MBD5: variants seen among roughly 807,000 people sequenced by gnomAD.
MBD5 encodes the protein methyl-CpG binding domain protein 5.
A neutral mutation model predicts 117.3 loss-of-function variants in MBD5; 13 were observed. That is an observed-to-expected ratio of 0.11 (90% CI 0.07 to 0.18). MBD5 has a LOEUF of 0.18. Among genes scored for constraint, MBD5 ranks in the 10% least tolerant of loss-of-function variants. The pLI is 1.00. For missense variants in MBD5, 1,879 were observed against 2,093.8 expected (o/e 0.90, Z 2.00); for synonymous variants, 727 against 766.4 (o/e 0.95, Z 0.85).
chr2:148,457,033 C>T (rs1177487393), intron 4 of MBD5, among the ~76,000 whole-genome samples: 1 of 152,090 alleles, frequency 6.6e-6, no homozygotes, highest in Non-Finnish European at 1.5e-5. Flanking sequence ...TAATTTGTTA[C>T]TTGATTAAGT....
intron 9 of MBD5, among the ~76,000 whole-genome samples, chr2:148,484,747 A>G (rs1681281186): frequency 6.6e-6 from 1 of 152,172 alleles, no homozygotes; most frequent in South Asian, 2.1e-4. Context: ...ACAGTTTTTC[A>G]TCTGTATTAT....
chr2:148,259,281 T>A (rs1700674959), intron 3 of MBD5, among the ~76,000 whole-genome samples: 1 of 151,988 alleles, frequency 6.6e-6, no homozygotes, highest in Admixed American at 6.6e-5. Context: ...GGAAGTGTAG[T>A]TCTTCTAGTG....
intron 2 of MBD5, among the ~76,000 whole-genome samples, chr2:148,229,285 C>T (rs923161097): frequency 6.6e-6 from 1 of 151,946 alleles, no homozygotes. Flanking sequence ...GACTTTGATG[C>T]ATTTTTCAAT....
At chr2:148,492,349 C>T (rs772360919) in intron 11 of MBD5, among the ~76,000 whole-genome samples, 1 of 151,906 alleles carries the variant, frequency 6.6e-6, no homozygotes, top group African/African-American at 2.4e-5. Context: ...TTCATATATT[C>T]CTCCTCTCAC....
At chr2:148,346,388 T>G (rs1703125109) in intron 4 of MBD5, 1 of 152,006 alleles carries the variant, frequency 6.6e-6, no homozygotes, top group Admixed American at 6.6e-5. Context: ...AAAAATGGAA[T>G]CGGTAGATCA....
chr2:148,432,910 T>C (rs1706033558), intron 4 of MBD5, among the ~76,000 whole-genome samples: 1 of 152,144 alleles, frequency 6.6e-6, no homozygotes, highest in African/African-American at 2.4e-5. Context: ...AAGAATGTCA[T>C]TGGTAGTTTC....
intron 1 of MBD5, among the ~76,000 whole-genome samples, chr2:148,107,090 T>G (rs1696390863): frequency 6.6e-6 from 1 of 152,012 alleles, no homozygotes; most frequent in Non-Finnish European, 1.5e-5. Flanking sequence ...TGTGAGGATA[T>G]TAGAGTAGTA....
chr2:148,050,207 C>CT (rs770254902), intron 1 of MBD5, among the ~76,000 whole-genome samples: 18 of 151,980 alleles, frequency 1.2e-4, no homozygotes, highest in Non-Finnish European at 2.5e-4. Context: ...CTTGTTGTGT[C>CT]TTTTTTGTTA....
intron 1 of MBD5, among the ~76,000 whole-genome samples, chr2:148,052,914 A>AT (rs1353949507): frequency 1.3e-5 from 2 of 151,016 alleles, no homozygotes; most frequent in Non-Finnish European, 2.9e-5. Context: ...ATGAGCCAAT[A>AT]TCACATTACT....
rs17749814 is a variant in MBD5, at chr2:148,023,387, C to G, written c.-925+1703C>G. On this transcript the variant is annotated intron_variant, in intron 1 of 13. Transcript: ENST00000642680. ...TGTTCTGTAAAATTTTAATTATCAA[C>G]TGTGTGCAAAAGTAGACATTTACAT... Among the ~76,000 whole-genome samples, 1,244 of 152,242 alleles carry G rather than the reference C, an allele frequency of 8.2e-3. 9 individuals carry two copies. Among genetic ancestry groups the G allele is most frequent in the Middle Eastern group, 0.027 (8 of 294 alleles).
At chr2:148,390,483 ATATATATGTG>A (rs1465300287) in intron 4 of MBD5, among the ~76,000 whole-genome samples, 1 of 148,576 alleles carries the variant, frequency 6.7e-6, no homozygotes, top group Non-Finnish European at 1.5e-5. Flanking sequence ...ATATATAAGT[ATATATATGTG>A]TATATATGTG....
intron 4 of MBD5, among the ~76,000 whole-genome samples, chr2:148,385,927 G>A (rs11899163): frequency 0.74 from 104,888 of 140,850 alleles, 39,658 homozygotes; most frequent in African/African-American, 0.9. Flanking sequence ...ACATGGACAC[G>A]GTAAGGGGAA....
At chr2:148,410,295 A>G (rs955590730) in intron 4 of MBD5, among the ~76,000 whole-genome samples, 1 of 152,186 alleles carries the variant, frequency 6.6e-6, no homozygotes, top group African/African-American at 2.4e-5. Context: ...TACTTCTAAG[A>G]TTAAGCATCA....
At chr2:148,032,098 T>G (rs961203518) in intron 1 of MBD5, among the ~76,000 whole-genome samples, 3 of 152,140 alleles carry the variant, frequency 2.0e-5, no homozygotes, top group African/African-American at 7.2e-5. Context: ...AGCTAAAATG[T>G]CATAGTGAAT....
At chr2:148,293,605 G>A (rs1701555372) in intron 3 of MBD5, among the ~76,000 whole-genome samples, 1 of 151,994 alleles carries the variant, frequency 6.6e-6, no homozygotes, top group Non-Finnish European at 1.5e-5. Context: ...CCCAATCTGT[G>A]TGCCTTTTAT....
chr2:148,426,238 A>G (rs1400613205), intron 4 of MBD5, among the ~76,000 whole-genome samples: 3 of 152,266 alleles, frequency 2.0e-5, no homozygotes, highest in Admixed American at 6.5e-5. Flanking sequence ...AAGGTAATTT[A>G]TAGATTCAAT....
chr2:148,107,329 G>T (rs1696396010), intron 1 of MBD5, among the ~76,000 whole-genome samples: 1 of 152,030 alleles, frequency 6.6e-6, no homozygotes, highest in East Asian at 1.9e-4. Context: ...ATTTTCTGCA[G>T]TTTCACTATG....
At chr2:148,428,680 A>T (rs112862526) in intron 4 of MBD5, among the ~76,000 whole-genome samples, 37,004 of 152,118 alleles carry the variant, frequency 0.24, 5,134 homozygotes, top group African/African-American at 0.38. Flanking sequence ...GAGGCCTCAG[A>T]AATCACACCA....
At chr2:148,485,655 C>G in intron 9 of MBD5, 87 bp from the exon 10 acceptor site, 1 of 1,010,706 alleles carries the variant, frequency 9.9e-7, no homozygotes, top group East Asian at 2.6e-5. Context: ...CACTTAGTTT[C>G]TGTTTCAGGA....
Sources: allele counts gnomAD v4.1 joint callset (sites outside exome capture counted in the v4.1 genomes callset), GRCh38; gene constraint gnomAD v4.1.1; transcripts MANE v1.5; gene names NCBI Gene and HGNC (gene_info 2026-07-23, HGNC 2026-07-21).